The following TPST1 variants were observed in gnomAD, a reference collection of about 807,000 sequenced individuals.
TPST1 encodes the protein tyrosylprotein sulfotransferase 1.
TPST1 carries 20 observed loss-of-function variants against 34.8 expected under a neutral mutation model. The observed-to-expected ratio is 0.57, with a 90% confidence interval of 0.40 to 0.84. The LOEUF is 0.84. Ranked by LOEUF, TPST1 falls within the 40% of genes least tolerant of loss-of-function variation. The probability of loss-of-function intolerance (pLI) is 0.00; values close to 1 mark genes in which losing one functional copy is unlikely to be tolerated. For missense variants in TPST1, 353 were observed against 455.5 expected (o/e 0.78, Z 2.05); for synonymous variants, 152 against 159.4 (o/e 0.95, Z 0.35).
At chr7:66,258,401 A>G (rs908763778) in intron 2 of TPST1, among the ~76,000 whole-genome samples, 1 of 152,182 alleles carries the variant, frequency 6.6e-6, no homozygotes, top group Non-Finnish European at 1.5e-5. Flanking sequence ...GTGCTATGCT[A>G]CTTTGGGTCT....
At chr7:66,320,373 G>A (rs1461838234) in intron 3 of TPST1, among the ~76,000 whole-genome samples, 4 of 147,310 alleles carry the variant, frequency 2.7e-5, no homozygotes, top group African/African-American at 7.6e-5. Context: ...TCAGCCTCCC[G>A]AGTTGCTGGG....
intron 2 of TPST1, among the ~76,000 whole-genome samples, chr7:66,285,731 A>G (rs996899527): frequency 2.0e-5 from 3 of 152,194 alleles, no homozygotes; most frequent in Non-Finnish European, 4.4e-5. Flanking sequence ...CTTAAATCCA[A>G]ATGTCATTTG....
upstream of TPST1, among the ~76,000 whole-genome samples, chr7:66,202,327 C>G (rs1789042249): frequency 6.6e-6 from 1 of 152,140 alleles, no homozygotes; most frequent in Admixed American, 6.6e-5. Context: ...AGTGTAGTCC[C>G]CGGATCACCT....
At chr7:66,358,000 C>T (rs547600240) in intron 5 of TPST1, among the ~76,000 whole-genome samples, 1 of 152,124 alleles carries the variant, frequency 6.6e-6, no homozygotes, top group South Asian at 2.1e-4. Context: ...AGGAGAATCA[C>T]TTGAACCCAA....
chr7:66,337,854 T>C (rs982444585), intron 3 of TPST1, among the ~76,000 whole-genome samples: 8 of 151,944 alleles, frequency 5.3e-5, no homozygotes, highest in Admixed American at 2.0e-4. Context: ...ACACTAAAAA[T>C]AAATAGCACA....
chr7:66,230,821 C>T (rs144784833), intron 1 of TPST1, among the ~76,000 whole-genome samples: 1,898 of 152,192 alleles, frequency 0.012, 36 homozygotes, highest in African/African-American at 0.042. Flanking sequence ...TTGGTAGAGC[C>T]GAGTGGTCTG....
intron 4 of TPST1, among the ~76,000 whole-genome samples, chr7:66,354,498 G>C (rs1792542497): frequency 7.4e-6 from 1 of 135,546 alleles, no homozygotes; most frequent in Non-Finnish European, 1.5e-5. Flanking sequence ...ATCCCAGCCT[G>C]GGTGACAGAG....
chr7:66,317,353 T>G (rs931447875), intron 3 of TPST1, among the ~76,000 whole-genome samples: 2 of 152,236 alleles, frequency 1.3e-5, no homozygotes, highest in Admixed American at 1.3e-4. Flanking sequence ...TGTATTCTGT[T>G]GCTCCTTTTC....
At chr7:66,312,617 A>G (rs1033771031) in intron 3 of TPST1, among the ~76,000 whole-genome samples, 2 of 152,212 alleles carry the variant, frequency 1.3e-5, no homozygotes, top group African/African-American at 4.8e-5. Context: ...AAGATATGAA[A>G]AGCTCTATGC....
chr7:66,236,014 A>G (rs117203260), intron 1 of TPST1, among the ~76,000 whole-genome samples: 2,983 of 152,240 alleles, frequency 0.02, 45 homozygotes, highest in Middle Eastern at 0.041. Context: ...CACATACTAT[A>G]TATATAAATT....
At position 66,241,200 on chromosome 7, in the gene TPST1, A is replaced by G; in HGVS notation, c.775A>G (p.Ile259Val). 6.2e-7 allele frequency: 1 copy of G among 1,614,246 alleles called. No individual in the cohort carries two copies. The highest frequency in any genetic ancestry group is 8.5e-7 in the Non-Finnish European group (1 of 1,180,046). Residue 259 changes from isoleucine to valine, a missense_variant, in exon 2 of 6, where the codon ATT becomes GTT. Physicochemically the swap from Ile to Val is conservative, Grantham distance 29. Coordinates refer to ENST00000304842, the MANE Select transcript of TPST1 (RefSeq NM_003596.4). ...WMRTLLKFLQ[I>V]PWNHSVLHHE... ...GAGAACACTCTTAAAGTTCCTCCAGATTCCATGGAACCACTCAGTATTGCA... is the reference window on the plus strand; with the variant it reads ...GAGAACACTCTTAAAGTTCCTCCAGGTTCCATGGAACCACTCAGTATTGCA...
intron 3 of TPST1, among the ~76,000 whole-genome samples, chr7:66,304,016 A>G (rs779795794): frequency 6.6e-6 from 1 of 152,310 alleles, no homozygotes; most frequent in Non-Finnish European, 1.5e-5. Context: ...ATGACTATGT[A>G]TCAGTCTGGG....
chr7:66,230,713 GCTTCCA>G (rs1260504854), intron 1 of TPST1, among the ~76,000 whole-genome samples: 12 of 152,170 alleles, frequency 7.9e-5, no homozygotes, highest in Admixed American at 7.9e-4. Flanking sequence ...AAAGAACAAA[GCTTCCA>G]CAGTGTGGAA....
Position 66,344,721 on chromosome 7 carries a change from AT to A in TPST1, c.1045-7763del, listed in dbSNP as rs757855278. On this transcript the variant is annotated intron_variant, in intron 3 of 5. Transcript: ENST00000304842. ...GCACCTCACCCAGCCAACATTTCTA[AT>A]TTTTTTTTTTTTTTTTTTTTAGACA... Among the ~76,000 whole-genome samples the A allele has an allele frequency of 9.9e-3, 1,274 of 128,754 alleles. 3 individuals are homozygous for A. Among genetic ancestry groups the A allele is most frequent in the Non-Finnish European group, 0.013 (798 of 59,938 alleles). 84.5% of individuals were successfully genotyped at this position (128,754 alleles called of 152,430 possible).
intron 1 of TPST1, among the ~76,000 whole-genome samples, chr7:66,235,663 T>C (rs1486168368): frequency 6.6e-6 from 1 of 152,168 alleles, no homozygotes; most frequent in East Asian, 1.9e-4. Flanking sequence ...AGAAAGTTTA[T>C]TTTGCCAAGG....
rs370730628 is a variant in TPST1, at chr7:66,259,416, G to A, written c.845+18146G>A. Among the ~76,000 whole-genome samples, 16 of 152,190 alleles carry A rather than the reference G, an allele frequency of 1.1e-4. No homozygotes were observed. In the South Asian group the frequency reaches 1.7e-3, roughly 16 times the overall value. On this transcript the variant is annotated intron_variant, in intron 2 of 5. Transcript: ENST00000304842. ...GAAATCAGTAATTTTTACTTGGAAC[G>A]TGTTGAGCTCTTTGGATCAGTGAGT... is the stretch of plus-strand genomic sequence containing the variant.
At chr7:66,351,090 C>T (rs1273115228) in intron 3 of TPST1, among the ~76,000 whole-genome samples, 1 of 152,184 alleles carries the variant, frequency 6.6e-6, no homozygotes, top group Admixed American at 6.5e-5. Flanking sequence ...CTCTCTCAAT[C>T]ACTACCACCT....
Position 66,267,300 on chromosome 7 carries a change from T to G in TPST1, c.846-19211T>G, listed in dbSNP as rs146264483. Among the ~76,000 whole-genome samples, 320 of 152,360 alleles carry G rather than the reference T, an allele frequency of 2.1e-3. 1 individual carries two copies. The highest frequency in any genetic ancestry group is 7.5e-3 in the African/African-American group (313 of 41,592). On this transcript the variant is annotated intron_variant, in intron 2 of 5. Transcript: ENST00000304842. ...TTGGTCATGTATGTTATTCTTGAAGTGCAGAATGTGCTTAGGGTAATTATT... is the reference window on the plus strand; with the variant it reads ...TTGGTCATGTATGTTATTCTTGAAGGGCAGAATGTGCTTAGGGTAATTATT...
At chr7:66,205,080 C>T (rs950239722), upstream of TPST1, 3 of 152,330 alleles carry the variant, frequency 2.0e-5, no homozygotes, top group Admixed American at 1.3e-4. This position sits in a 1 kb window ranked among gnomAD's most constrained non-coding sequence, Gnocchi z 5.0. Flanking sequence ...AGGCCTGCGG[C>T]TGCCGGGAAG....
Sources: gnomAD v4.1 joint callset for allele counts (sites outside exome capture counted in the v4.1 genomes callset) on GRCh38, gnomAD v4.1.1 for gene constraint, Gnocchi (gnomAD v3.1) non-coding constraint, MANE v1.5 for transcripts, NCBI Gene and HGNC (gene_info 2026-07-23, HGNC 2026-07-21) for gene names.